The following TRAF3IP3 variants were observed in gnomAD, a reference collection of about 807,000 sequenced individuals.
TRAF3IP3 encodes the protein TRAF3-interacting JNK-activating modulator.
Under a neutral mutation model 86.5 loss-of-function variants are expected in TRAF3IP3, and 64 were observed. The observed-to-expected ratio is 0.74, with a 90% CI of 0.60 to 0.91. TRAF3IP3 has a LOEUF of 0.91. Among genes scored for constraint, TRAF3IP3 ranks in the 40% least tolerant of loss-of-function variants. TRAF3IP3 has a pLI of 0.00. For synonymous variants in TRAF3IP3, 220 were observed against 243.9 expected, an observed-to-expected ratio of 0.90 and a Z score of 0.91; for missense variants, 579 against 642.9, an observed-to-expected ratio of 0.90 and a Z score of 1.07.
intron 5 of TRAF3IP3, 71 bp from the exon 6 acceptor site, chr1:209,762,997 G>C (rs867469989): frequency 6.3e-7 from 1 of 1,597,766 alleles, no homozygotes. Flanking sequence ...TCTTCAGAAG[G>C]AATCAACCCA....
intron 8 of TRAF3IP3, among the ~76,000 whole-genome samples, chr1:209,764,929 C>G (rs2077313711): frequency 6.6e-6 from 1 of 152,058 alleles, no homozygotes; most frequent in Non-Finnish European, 1.5e-5. Flanking sequence ...AATCCCAGCA[C>G]TTTGGAAGGC....
At chr1:209,774,921 G>C (rs548096715) in intron 9 of TRAF3IP3, among the ~76,000 whole-genome samples, 6 of 152,132 alleles carry the variant, frequency 3.9e-5, no homozygotes, top group Admixed American at 1.3e-4. Context: ...TAAGGAAATT[G>C]TCAAGGCTCA....
intron 8 of TRAF3IP3, among the ~76,000 whole-genome samples, chr1:209,769,172 ATAAACCT>A (rs1485775562): frequency 1.3e-5 from 2 of 152,248 alleles, no homozygotes; most frequent in Non-Finnish European, 2.9e-5. Flanking sequence ...ATACAGCAAG[ATAAACCT>A]TAAATTTGGT....
chr1:209,773,652 C>A (rs2077592478), intron 9 of TRAF3IP3, among the ~76,000 whole-genome samples: 1 of 152,236 alleles, frequency 6.6e-6, no homozygotes, highest in Non-Finnish European at 1.5e-5. Context: ...AGGCAGAATT[C>A]TCCCATCTGG....
rs1339972865 is a variant in TRAF3IP3 at position 209,780,771 on chromosome 1, T to C, written c.1449+165T>C. 2.3e-5 allele frequency: 12 copies of C among 529,632 alleles called. No individual in the cohort carries two copies. In the South Asian group the frequency reaches 6.7e-4, roughly 30 times the overall value. 32.8% of individuals were successfully genotyped at this position (529,632 alleles called of 1,614,324 possible). On this transcript the variant is annotated intron_variant, in intron 15 of 16. Coordinates refer to ENST00000367025, the MANE Select transcript of TRAF3IP3 (RefSeq NM_025228.4). ...GTGCTTTTGGGCTGACTTGTCAATC[T>C]TTTCCCTTCCTTATTTATACCAACT...
intron 12 of TRAF3IP3, 105 bp downstream of exon 12, chr1:209,777,592 C>A: frequency 1.6e-6 from 2 of 1,236,878 alleles, no homozygotes; most frequent in Admixed American, 2.7e-5. Context: ...TATTTGTTTG[C>A]TTGATTGGTT....
chr1:209,777,892 C>T, intron 12 of TRAF3IP3: 1 of 592,850 alleles, frequency 1.7e-6, no homozygotes, highest in South Asian at 2.1e-5. Flanking sequence ...TGTGTAAACA[C>T]AAGCCTCAAT....
At chr1:209,763,208 G>A in intron 6 of TRAF3IP3, 116 bp downstream of exon 6, 2 of 1,385,336 alleles carry the variant, frequency 1.4e-6, no homozygotes, top group Non-Finnish European at 2.1e-6. Context: ...GGATGGCAAG[G>A]GGGTACTGAG....
At chr1:209,781,719 C>T (rs1027712140) in intron 16 of TRAF3IP3, 10 of 474,564 alleles carry the variant, frequency 2.1e-5, no homozygotes, top group Middle Eastern at 5.5e-4. Context: ...TTCTTTTAGC[C>T]GATGATAAGC....
At chr1:209,780,406 C>G in intron 14 of TRAF3IP3, 64 bp from the exon 15 acceptor site, 1 of 1,405,404 alleles carries the variant, frequency 7.1e-7, no homozygotes, top group Non-Finnish European at 9.4e-7. Context: ...AGTGGTTTCA[C>G]CCTCAGGGCC....
rs754829436 is a variant in TRAF3IP3 at position 209,763,089 on chromosome 1, T to G, written c.573T>G (p.Asp191Glu). 2.5e-6 allele frequency: 4 copies of G among 1,613,402 alleles called. No homozygotes were observed. In the South Asian group the frequency reaches 4.4e-5, roughly 18 times the overall value. The change falls in exon 6 of 17, where the codon GAT becomes GAG. Residue 191 changes from aspartate (D) to glutamate (E), a missense_variant. Transcript: ENST00000367025. The stretch of plus-strand genomic sequence containing the variant: ...CCAGTTACGGAGTTGCAGTTCTGGA[T>G]AAGGTAAGCACATATTCACTTTGAA... ...QQTNYGVAVL[D>E]KEIIQLSDYL...
intron 16 of TRAF3IP3, 100 bp from the exon 17 acceptor site, chr1:209,781,956 C>T (rs928254470): frequency 7.5e-6 from 7 of 936,736 alleles, no homozygotes; most frequent in African/African-American, 1.6e-5. Flanking sequence ...ACCAACCCAG[C>T]GTTTTCCACT....
chr1:209,775,877 C>A, intron 11 of TRAF3IP3, 141 bp downstream of exon 11: 2 of 742,500 alleles, frequency 2.7e-6, no homozygotes, highest in Non-Finnish European at 4.2e-6. Flanking sequence ...TACTTTGTAC[C>A]AAATTCACTG....
chr1:209,776,485 G>GT (rs1460552516), intron 11 of TRAF3IP3: 1 of 152,178 alleles, frequency 6.6e-6, no homozygotes, highest in African/African-American at 2.4e-5. Flanking sequence ...AAGAGACAGA[G>GT]TATGTGAGTC....
chr1:209,762,459 G>C, intron 3 of TRAF3IP3, 56 bp from the exon 4 acceptor site: 1 of 1,412,380 alleles, frequency 7.1e-7, no homozygotes, highest in Non-Finnish European at 9.3e-7. Context: ...ATCATCAGGA[G>C]AGTCTTTCAA....
intron 8 of TRAF3IP3, among the ~76,000 whole-genome samples, chr1:209,766,917 T>C (rs1287475756): frequency 6.6e-6 from 1 of 151,736 alleles, no homozygotes; most frequent in African/African-American, 2.4e-5. Context: ...GAAGGATGAG[T>C]AGGAGCTAAC....
rs778189856 is a variant in TRAF3IP3 at position 209,763,555 on chromosome 1, A to G, written c.670A>G (p.Thr224Ala). ...GGTGATTCTCCAAGACCTACTGTCC[A>G]CTCTGATTCAGGCCTCTGACAGCTC... ...KMVILQDLLS[T>A]LIQASDSSWK... Residue 224 changes from threonine (T) to alanine (A), a missense_variant, in exon 8 of 17, where the codon ACT (threonine) becomes GCT (alanine). Transcript: ENST00000367025. 6 of 1,614,100 alleles carry G rather than the reference A, an allele frequency of 3.7e-6. No homozygotes were observed. The highest frequency in any genetic ancestry group is 4.2e-6 in the Non-Finnish European group (5 of 1,180,008).
rs185391330 is a variant in TRAF3IP3 at position 209,771,280 on chromosome 1, T to A, written c.703-1668T>A. On this transcript the variant is annotated intron_variant, in intron 8 of 16. Transcript: ENST00000367025. ...GTGTGTCCCTACGGAGGTGTGCATC[T>A]GCATGTGAAGGTGTGCGTGTGCATG... 6.5e-4 allele frequency among the ~76,000 whole-genome samples: 93 copies of A among 143,078 alleles called. 1 individual carries two copies. The highest frequency in any genetic ancestry group is 6.5e-4 in the Non-Finnish European group (43 of 66,594). The allele number at this position is 143,078 out of a possible 152,430, so 93.9% of individuals were successfully genotyped here.
intron 15 of TRAF3IP3, 55 bp from the exon 16 acceptor site, chr1:209,781,290 T>C: frequency 7.8e-7 from 1 of 1,274,300 alleles, no homozygotes; most frequent in Non-Finnish European, 1.1e-6. Flanking sequence ...CTCCCCTGCC[T>C]GGGCTCTGTC....
Sources: allele counts gnomAD v4.1 joint callset (sites outside exome capture counted in the v4.1 genomes callset), GRCh38; gene constraint gnomAD v4.1.1; transcripts MANE v1.5; gene names NCBI Gene and HGNC (gene_info 2026-07-23, HGNC 2026-07-21).